The following DCC variants were observed in gnomAD, a reference collection of about 807,000 sequenced individuals.
The protein encoded by DCC is DCC netrin 1 receptor, also known as netrin receptor DCC.
Under a neutral mutation model 172.5 loss-of-function variants are expected in DCC, and 58 were observed. The ratio of observed to expected loss-of-function variants is 0.34; its 90% CI spans 0.27 to 0.42. The LOEUF (loss-of-function observed/expected upper bound fraction) is 0.42. Ranked by LOEUF, DCC falls within the 10% of genes least tolerant of loss-of-function variation. The pLI, the probability that DCC is intolerant of heterozygous loss-of-function variation, is 1.00. For synonymous variants in DCC, 709 were observed against 644.5 expected, an observed-to-expected ratio of 1.10 and a Z score of -1.52; for missense variants, 1,740 against 1,791.0, an observed-to-expected ratio of 0.97 and a Z score of 0.51.
At chr18:53,444,350 T>G (rs111794940) in intron 22 of DCC, among the ~76,000 whole-genome samples, 1 of 152,168 alleles carries the variant, frequency 6.6e-6, no homozygotes, top group African/African-American at 2.4e-5. Context: ...GAGACCAGCC[T>G]GTCCAACATG....
At chr18:52,357,976 G>A (rs888322052) in intron 1 of DCC, among the ~76,000 whole-genome samples, 1 of 150,652 alleles carries the variant, frequency 6.6e-6, no homozygotes, top group Non-Finnish European at 1.5e-5. Context: ...CACTACCTCA[G>A]CCAGGTGATC....
chr18:53,095,357 G>T (rs1233293346), intron 7 of DCC, among the ~76,000 whole-genome samples: 1 of 152,138 alleles, frequency 6.6e-6, no homozygotes, highest in Non-Finnish European at 1.5e-5. Flanking sequence ...AGTTGTCTTT[G>T]CTAATAGATT....
chr18:52,667,407 C>T (rs2035475026), intron 1 of DCC, among the ~76,000 whole-genome samples: 3 of 152,220 alleles, frequency 2.0e-5, no homozygotes, highest in South Asian at 2.1e-4. Flanking sequence ...AACCATGACA[C>T]GAGTTCTATT....
chr18:52,737,205 T>A (rs911040455), intron 1 of DCC, among the ~76,000 whole-genome samples: 2 of 152,116 alleles, frequency 1.3e-5, no homozygotes, highest in Admixed American at 1.3e-4. Context: ...TCAAATAAGA[T>A]AAATTAATGA....
At chr18:52,773,522 T>TATCTATC (rs1568093891) in intron 2 of DCC, among the ~76,000 whole-genome samples, 4 of 151,376 alleles carry the variant, frequency 2.6e-5, no homozygotes, top group Admixed American at 6.6e-5. Context: ...ATCTATCTAT[T>TATCTATC]TATCTATCTA....
chr18:52,636,584 C>A (rs1298914569), intron 1 of DCC, among the ~76,000 whole-genome samples: 3 of 152,080 alleles, frequency 2.0e-5, no homozygotes, highest in Non-Finnish European at 4.4e-5. Flanking sequence ...CCCTGACAAC[C>A]TGCATGACTC....
chr18:53,257,736 A>T (rs989453341), intron 12 of DCC, among the ~76,000 whole-genome samples: 4 of 152,196 alleles, frequency 2.6e-5, no homozygotes, highest in African/African-American at 9.6e-5. Context: ...AAAATGAGTT[A>T]GGGAGGATTC....
chr18:52,737,654 G>A (rs1464703040), intron 1 of DCC, among the ~76,000 whole-genome samples: 1 of 152,142 alleles, frequency 6.6e-6, no homozygotes, highest in Non-Finnish European at 1.5e-5. Context: ...TGAAGACAGG[G>A]ACAAGGAGGG....
intron 9 of DCC, among the ~76,000 whole-genome samples, chr18:53,201,214 A>G (rs1474825376): frequency 6.6e-6 from 1 of 152,076 alleles, no homozygotes; most frequent in Admixed American, 6.6e-5. Flanking sequence ...TGAATGTGTT[A>G]CAAGTCACAG....
At chr18:52,449,424 A>C (rs1278262563) in intron 1 of DCC, among the ~76,000 whole-genome samples, 1 of 152,264 alleles carries the variant, frequency 6.6e-6, no homozygotes, top group Non-Finnish European at 1.5e-5. Context: ...CATAGATGAT[A>C]ACTTAAGAGT....
intron 21 of DCC, among the ~76,000 whole-genome samples, chr18:53,434,433 T>G (rs1009275112): frequency 6.6e-6 from 1 of 152,174 alleles, no homozygotes; most frequent in African/African-American, 2.4e-5. Context: ...AATTAAATTT[T>G]GGATGATAGT....
chr18:53,368,993 G>C (rs1223084837), intron 15 of DCC, among the ~76,000 whole-genome samples: 1 of 151,892 alleles, frequency 6.6e-6, no homozygotes, highest in Admixed American at 6.6e-5. Flanking sequence ...ATTTTTAATA[G>C]AGATTGCATT....
In DCC at chr18:53,390,888, TA is replaced by T. The variant is rs1452632580; in HGVS notation, c.2456-762del. Reference sequence around the variant, plus strand: ...GTAATATGGGAACTCCTACCAAGACTAAAAACTTAGCTAATTACTCTGTGAG... The same window carrying T: ...GTAATATGGGAACTCCTACCAAGACTAAAACTTAGCTAATTACTCTGTGAG... On this transcript the variant is annotated intron_variant, in intron 16 of 28. Coordinates refer to ENST00000442544, the MANE Select transcript of DCC (RefSeq NM_005215.4). Among the ~76,000 whole-genome samples, 3 of 152,292 alleles carry T rather than the reference TA, an allele frequency of 2.0e-5. No individual in the cohort carries two copies. The East Asian group carries it at 5.8e-4, about 29-fold the overall frequency.
chr18:53,307,897 GTATATATATA>G (rs771876514), intron 13 of DCC, among the ~76,000 whole-genome samples: 7,212 of 66,814 alleles, frequency 0.11, 659 homozygotes, highest in East Asian at 0.29. Context: ...GTGTGTGTAT[GTATATATATA>G]TATATATATA....
rs375966350 is a variant in DCC, at chr18:53,502,267, C to T, written c.4111+2757C>T. Among the ~76,000 whole-genome samples the T allele has an allele frequency of 1.2e-4, 19 of 152,214 alleles. No homozygotes were observed. In the East Asian group the frequency reaches 1.9e-3, roughly 16 times the overall value. On this transcript the variant is annotated intron_variant, in intron 27 of 28. Coordinates refer to ENST00000442544, the MANE Select transcript of DCC (RefSeq NM_005215.4). ...CCCCCACTCAACTGGAGGCATGCCC[C>T]GCCATCCCTTTGGAATTATTAAATT... is the stretch of plus-strand genomic sequence containing the variant.
In DCC at chr18:53,410,568, T is replaced by C; in HGVS notation, c.3052T>C (p.Tyr1018His). Residue 1018 changes from tyrosine (Y) to histidine (H), a missense_variant, in exon 20 of 29, where the codon TAT becomes CAT. Transcript: ENST00000442544. The part of the protein sequence containing the change: ...QIMDLNLDTM[Y>H]YFRIQARNSK... ...CATGGATCTCAACCTTGATACTATG[T>C]ATTACTTTCGAATTCAAGCACGAAA... 6.2e-7 allele frequency: 1 copy of C among 1,610,052 alleles called. No individual in the cohort carries two copies. The highest frequency in any genetic ancestry group is 1.1e-5 in the South Asian group (1 of 91,022).
At chr18:53,494,513 C>T (rs1470041743) in intron 26 of DCC, among the ~76,000 whole-genome samples, 10 of 152,186 alleles carry the variant, frequency 6.6e-5, no homozygotes, top group African/African-American at 2.4e-4. Context: ...GGTGCATATA[C>T]ATTTAGGATA....
intron 5 of DCC, among the ~76,000 whole-genome samples, chr18:52,927,080 TATATACACGTATATACGTGTATATACAC>T (rs1312257215): frequency 1.7e-5 from 2 of 118,524 alleles, no homozygotes; most frequent in East Asian, 4.7e-4. Context: ...CATATATGTG[TATATACACGTATATACGTGTATATACAC>T]GTATATACGT....
At chr18:52,850,891 T>C (rs2038965154) in intron 2 of DCC, among the ~76,000 whole-genome samples, 1 of 152,102 alleles carries the variant, frequency 6.6e-6, no homozygotes, top group African/African-American at 2.4e-5. Flanking sequence ...GTCAGGTAAA[T>C]TAATTACCAC....
Sources: gnomAD v4.1 joint callset for allele counts (sites outside exome capture counted in the v4.1 genomes callset) on GRCh38, gnomAD v4.1.1 for gene constraint, MANE v1.5 for transcripts, NCBI Gene and HGNC (gene_info 2026-07-23, HGNC 2026-07-21) for gene names.